Variants in MMP2 observed in about 807,000 individuals in gnomAD.
The protein encoded by MMP2 is matrix metallopeptidase 2.
Under a neutral mutation model 74.8 loss-of-function variants are expected in MMP2, and 39 were observed. The ratio of observed to expected loss-of-function variants is 0.52; its 90% CI spans 0.40 to 0.68. The LOEUF (loss-of-function observed/expected upper bound fraction) is 0.68. MMP2 is among the 30% of genes least tolerant of loss of function. The pLI is 0.00. For synonymous variants in MMP2, 367 were observed against 339.8 expected (o/e 1.08, Z -0.88); for missense variants, 803 against 878.3 (o/e 0.91, Z 1.08).
Position 55,498,482 on chromosome 16 carries a change from G to A in MMP2, c.1769+34G>A, listed in dbSNP as rs1459759206. 5 of 1,613,842 alleles carry A rather than the reference G, an allele frequency of 3.1e-6. No individual in the cohort carries two copies. The Admixed American group carries it at 5.0e-5, about 16-fold the overall frequency. ...GGGCGGTGGGTAGGACAGCAGCACA[G>A]TTGGCTGCGAGAGACAGAGAAGCCG... On this transcript the variant is annotated intron_variant, in intron 11 of 12. Coordinates refer to ENST00000219070, the MANE Select transcript of MMP2 (RefSeq NM_004530.6).
chr16:55,504,942 G>A (rs763910368), intron 12 of MMP2, among the ~76,000 whole-genome samples: 9 of 146,998 alleles, frequency 6.1e-5, no homozygotes, highest in Non-Finnish European at 9.0e-5. Context: ...GTGAGCCACC[G>A]CGCCCCGCCA....
In MMP2 at chr16:55,479,646, C is replaced by G; in HGVS notation, c.153+14C>G. Reference sequence around the variant, plus strand: ...GAGTTGGCAGTGGTGAGTTGCTGCGCTGGCCTCAAGGAACCACGTTTAGAC... The same window carrying G: ...GAGTTGGCAGTGGTGAGTTGCTGCGGTGGCCTCAAGGAACCACGTTTAGAC... On this transcript the variant is annotated intron_variant, in intron 1 of 12. Transcript: ENST00000219070. The G allele has an allele frequency of 6.2e-7, 1 of 1,613,698 alleles. No individual in the cohort carries two copies. The highest frequency in any genetic ancestry group is 1.1e-5 in the South Asian group (1 of 91,078).
chr16:55,486,318 AATGC>A (rs1296322141), intron 5 of MMP2, among the ~76,000 whole-genome samples: 4 of 124,568 alleles, frequency 3.2e-5, no homozygotes, highest in African/African-American at 1.2e-4. Context: ...TGCCTCTGCT[AATGC>A]GTGTGTGTGT....
Position 55,496,998 on chromosome 16 carries a change from G to A in MMP2, c.1545G>A (p.Glu515=), listed in dbSNP as rs966697982. ...TGCTGGTGGCCACATTCTGGCCTGA[G>A]CTCCCGGAAAAGATTGATGCGGTAT... ...GPLLVATFWP[E]LPEKIDAVYE... is the part of the protein sequence containing the mutation. Residue 515 remains glutamate, a synonymous_variant, in exon 10 of 13, where the codon GAG becomes GAA. Transcript: ENST00000219070. 3 of 1,614,172 alleles carry A rather than the reference G, an allele frequency of 1.9e-6. No homozygotes were observed. The highest frequency in any genetic ancestry group is 2.5e-6 in the Non-Finnish European group (3 of 1,180,040).
At chr16:55,485,504 G>A in intron 4 of MMP2, 77 bp downstream of exon 4, 1 of 1,613,188 alleles carries the variant, frequency 6.2e-7, no homozygotes, top group Non-Finnish European at 8.5e-7. Context: ...GACCAGAGAG[G>A]TGGGAGGGGA....
chr16:55,499,168 CA>C (rs57058103), intron 11 of MMP2, among the ~76,000 whole-genome samples: 36 of 131,986 alleles, frequency 2.7e-4, no homozygotes, highest in African/African-American at 3.4e-4. Context: ...GACTCCAACT[CA>C]AAAAAAAAAA....
rs769635571 is a variant in MMP2, at chr16:55,497,010, G to T, written c.1557G>T (p.Lys519Asn). Residue 519 changes from lysine (K) to asparagine (N), a missense_variant, in exon 10 of 13, where the codon AAG becomes AAT. Around this residue, in one of 3 missense-constraint regions of MMP2, gnomAD observed 555 missense variants for 592.0 expected, o/e 0.94. Transcript: ENST00000219070. ...VATFWPELPE[K>N]IDAVYEAPQE... ...CATTCTGGCCTGAGCTCCCGGAAAA[G>T]ATTGATGCGGTATACGAGGCCCCAC... The T allele has an allele frequency of 1.6e-5, 26 of 1,614,204 alleles. No individual in the cohort carries two copies. The highest frequency in any genetic ancestry group is 5.5e-5 in the South Asian group (5 of 91,086).
At position 55,485,458 on chromosome 16, in the gene MMP2, CCTT is replaced by C. The variant is rs763624377; in HGVS notation, c.658+34_658+36del. ...AAAGGGGCCCTCTGCATGCCCCAGA[CCTT>C]CTCTCCTGTCCTCTCTCCACTCCAT... On this transcript the variant is annotated intron_variant, in intron 4 of 12. Coordinates refer to ENST00000219070, the MANE Select transcript of MMP2 (RefSeq NM_004530.6). 3 of 1,614,044 alleles carry C rather than the reference CCTT, an allele frequency of 1.9e-6. No homozygotes were observed. In the South Asian group the frequency reaches 3.3e-5, roughly 18 times the overall value.
At chr16:55,494,414 C>T (rs1962486027) in intron 9 of MMP2, among the ~76,000 whole-genome samples, 1 of 152,146 alleles carries the variant, frequency 6.6e-6, no homozygotes, top group Non-Finnish European at 1.5e-5. Context: ...TTCATATTAG[C>T]TATTGTTATT....
At chr16:55,490,626 A>C (rs1395652799) in intron 7 of MMP2, among the ~76,000 whole-genome samples, 1 of 152,214 alleles carries the variant, frequency 6.6e-6, no homozygotes, top group African/African-American at 2.4e-5. Context: ...GTCAGTGGGC[A>C]GGTCCAGGGC....
At chr16:55,494,696 G>A (rs1408956898) in intron 9 of MMP2, among the ~76,000 whole-genome samples, 1 of 152,228 alleles carries the variant, frequency 6.6e-6, no homozygotes, top group Non-Finnish European at 1.5e-5. Flanking sequence ...TGATTCTGAT[G>A]CACATTAAAG....
Position 55,483,090 on chromosome 16 carries a change from T to C in MMP2, c.335T>C (p.Phe112Ser). 1 of 1,613,962 alleles carries C rather than the reference T, an allele frequency of 6.2e-7. No individual in the cohort carries two copies. The highest frequency in any genetic ancestry group is 1.1e-5 in the South Asian group (1 of 91,052). The change falls in exon 2 of 13, where the codon TTC (phenylalanine) becomes TCC (serine). Residue 112 changes from phenylalanine (F) to serine (S), a missense_variant. Phe to Ser is a radical substitution (Grantham distance 155). Coordinates refer to ENST00000219070, the MANE Select transcript of MMP2 (RefSeq NM_004530.6). ...AACCCAGATGTGGCCAACTACAACT[T>C]CTTCCCTCGCAAGCCCAAGTGGGAC... ...CGNPDVANYNFFPRKPKWDKN... is the reference protein window; with the variant it reads ...CGNPDVANYNSFPRKPKWDKN...
intron 6 of MMP2, 53 bp from the exon 7 acceptor site, chr16:55,489,598 G>A: frequency 6.2e-7 from 1 of 1,604,956 alleles, no homozygotes; most frequent in East Asian, 2.2e-5. Context: ...TTGCTTCCTG[G>A]TGGTAGCCTC....
At chr16:55,495,091 G>A (rs1438451458) in intron 9 of MMP2, among the ~76,000 whole-genome samples, 2 of 152,246 alleles carry the variant, frequency 1.3e-5, no homozygotes, top group Admixed American at 6.5e-5. Context: ...TGGCCAATGG[G>A]GAAATGGCAA....
intron 3 of MMP2, 71 bp downstream of exon 3, chr16:55,484,235 T>C (rs1962183654): frequency 1.3e-6 from 2 of 1,545,598 alleles, no homozygotes; most frequent in East Asian, 2.3e-5. Flanking sequence ...AGATGGACAT[T>C]AGAGGGGCGT....
At position 55,489,836 on chromosome 16, in the gene MMP2, T is replaced by A. The variant is rs752976469; in HGVS notation, c.1180+12T>A. On this transcript the variant is annotated intron_variant, in intron 7 of 12. Coordinates refer to ENST00000219070, the MANE Select transcript of MMP2 (RefSeq NM_004530.6). ...CTGCCCTGACCAAGGTACGAGGCCC[T>A]GGTCATTGGACAGAGACCCTGGACA... 3 of 1,613,564 alleles carry A rather than the reference T, an allele frequency of 1.9e-6. No homozygotes were observed. The highest frequency in any genetic ancestry group is 2.2e-5 in the East Asian group (1 of 44,858).
At chr16:55,486,053 G>A (rs1390909575) in intron 5 of MMP2, among the ~76,000 whole-genome samples, 2 of 152,114 alleles carry the variant, frequency 1.3e-5, no homozygotes, top group African/African-American at 4.8e-5. Flanking sequence ...TCACAGATTT[G>A]ATTTGCTAAT....
Position 55,506,490 on chromosome 16 carries a change from C to T in MMP2, c.*1048C>T, listed in dbSNP as rs776889997. The T allele has an allele frequency of 2.0e-5, 3 of 152,206 alleles. No homozygotes were observed. Among genetic ancestry groups the T allele is most frequent in the Non-Finnish European group, 4.4e-5 (3 of 68,042 alleles). 9.4% of individuals were successfully genotyped at this position (152,206 alleles called of 1,614,324 possible). ...TATTGTGGCATCTGTTCGAGGTTTG[C>T]TTCCTCTTTAAGTCTGTTTCTTCAT... On this transcript the variant is annotated 3_prime_UTR_variant, in exon 13 of 13. Transcript: ENST00000219070.
chr16:55,489,160 C>T (rs1962337938), intron 6 of MMP2, among the ~76,000 whole-genome samples: 1 of 152,168 alleles, frequency 6.6e-6, no homozygotes, highest in Admixed American at 6.5e-5. Context: ...CTCTCTATCC[C>T]TCCCTCCTTT....
Sources: allele counts gnomAD v4.1 joint callset (sites outside exome capture counted in the v4.1 genomes callset), GRCh38; gene constraint gnomAD v4.1.1; regional missense constraint gnomAD v4.1.1; transcripts MANE v1.5; gene names NCBI Gene and HGNC (gene_info 2026-07-23, HGNC 2026-07-21).